RFX8: variants seen among roughly 807,000 people sequenced by gnomAD.
RFX8 encodes the protein regulatory factor X8, also known as DNA-binding protein RFX8.
Under a neutral mutation model 54.6 loss-of-function variants are expected in RFX8, and 46 were observed. That is an observed-to-expected ratio of 0.84 (90% CI 0.67 to 1.08). RFX8 has a LOEUF of 1.08. Ranked by LOEUF, RFX8 falls within the 50% of genes least tolerant of loss-of-function variation. RFX8 has a pLI of 0.00. For missense variants in RFX8, 536 were observed against 562.3 expected (o/e 0.95, Z 0.47); for synonymous variants, 192 against 209.5 (o/e 0.92, Z 0.72).
At position 101,402,670 on chromosome 2, in the gene RFX8, CTCCTCCTCT is replaced by C; in HGVS notation, c.1002_1010del (p.Glu336_Glu338del). The C allele has an allele frequency of 6.4e-7, 1 of 1,555,312 alleles. No homozygotes were observed. The highest frequency in any genetic ancestry group is 2.4e-5 in the East Asian group (1 of 41,376). On this transcript the variant is annotated inframe_deletion, in exon 11 of 12. Transcript: ENST00000428343. ...TTTCCTTGACAGTCCCCATGTCCTC[CTCCTCCTCT>C]TCCTCCTCTAGGCATGACTGAAGTA...
chr2:101,416,246 A>C (rs1686502743), intron 6 of RFX8, among the ~76,000 whole-genome samples: 1 of 152,218 alleles, frequency 6.6e-6, no homozygotes, highest in Non-Finnish European at 1.5e-5. Context: ...AGTAGCCTAC[A>C]GAATGAAGAG....
intron 2 of RFX8, among the ~76,000 whole-genome samples, chr2:101,438,033 G>A: frequency 1.6e-5 from 1 of 61,566 alleles, no homozygotes; most frequent in African/African-American, 4.2e-5. Context: ...TCAATAGTTT[G>A]TTCCTCTTTT....
intron 2 of RFX8, among the ~76,000 whole-genome samples, chr2:101,460,238 G>A (rs1021324343): frequency 4.6e-5 from 7 of 151,978 alleles, no homozygotes; most frequent in East Asian, 3.9e-4. Flanking sequence ...GCTTGCCCTC[G>A]GTGGGCTGCA....
At chr2:101,419,579 T>G (rs2104576144) in intron 4 of RFX8, among the ~76,000 whole-genome samples, 1 of 152,354 alleles carries the variant, frequency 6.6e-6, no homozygotes, top group East Asian at 1.9e-4. Context: ...ACCGATCTGC[T>G]TCGCCGCCAA....
chr2:101,451,004 C>T (rs1292320036), intron 2 of RFX8, among the ~76,000 whole-genome samples: 1 of 151,960 alleles, frequency 6.6e-6, no homozygotes, highest in Admixed American at 6.6e-5. Flanking sequence ...CACTGCCCCC[C>T]GACCCCCCAG....
Position 101,453,152 on chromosome 2 carries a change from C to T in RFX8, c.72+13625G>A, listed in dbSNP as rs1218167153. On this transcript the variant is annotated intron_variant, in intron 2 of 11. Transcript: ENST00000428343. ...CTTAGCCAGGCATGGTGGCACACACCTGTAGTCCCAGCTACTCTGGAGGCT... is the reference window on the plus strand; with the variant it reads ...CTTAGCCAGGCATGGTGGCACACACTTGTAGTCCCAGCTACTCTGGAGGCT... Among the ~76,000 whole-genome samples the T allele has an allele frequency of 1.4e-5, 2 of 145,676 alleles. 1 individual carries two copies. Among genetic ancestry groups the T allele is most frequent in the African/African-American group, 5.2e-5 (2 of 38,302 alleles).
intron 2 of RFX8, among the ~76,000 whole-genome samples, chr2:101,464,641 G>A (rs1252217754): frequency 6.6e-6 from 1 of 152,136 alleles, no homozygotes; most frequent in Non-Finnish European, 1.5e-5. Context: ...CCGTTTTTCA[G>A]GCAAATTTCC....
At chr2:101,463,545 G>T (rs1343629254) in intron 2 of RFX8, among the ~76,000 whole-genome samples, 1 of 152,180 alleles carries the variant, frequency 6.6e-6, no homozygotes, top group African/African-American at 2.4e-5. Context: ...GCCTTGCGAG[G>T]CCCCCTGGAC....
At chr2:101,429,103 G>A (rs1165043174) in intron 2 of RFX8, 1 of 841,822 alleles carries the variant, frequency 1.2e-6, no homozygotes, top group East Asian at 2.7e-5. Flanking sequence ...TTGCAGCAAG[G>A]TTATTTGTTT....
chr2:101,444,261 A>G (rs1383552750), intron 2 of RFX8, among the ~76,000 whole-genome samples: 1 of 152,220 alleles, frequency 6.6e-6, no homozygotes, highest in African/African-American at 2.4e-5. Context: ...TTAATCAGAA[A>G]TCTCAGCAGT....
At chr2:101,403,697 G>C (rs542178005) in intron 10 of RFX8, among the ~76,000 whole-genome samples, 2 of 152,300 alleles carry the variant, frequency 1.3e-5, no homozygotes, top group South Asian at 4.1e-4. Context: ...TGAGGCGGGA[G>C]AATCGCTTGA....
chr2:101,450,623 G>C, intron 2 of RFX8: 1 of 1,512,574 alleles, frequency 6.6e-7, no homozygotes. Context: ...CTATCAGGTA[G>C]CAATACTGGG....
chr2:101,461,757 G>C (rs1162513248), intron 2 of RFX8, among the ~76,000 whole-genome samples: 1 of 152,132 alleles, frequency 6.6e-6, no homozygotes, highest in Non-Finnish European at 1.5e-5. Context: ...TGAATATAGA[G>C]AGAACTGAAA....
At chr2:101,471,155 G>A (rs1376128724) in intron 1 of RFX8, among the ~76,000 whole-genome samples, 3 of 151,824 alleles carry the variant, frequency 2.0e-5, no homozygotes, top group Non-Finnish European at 2.9e-5. Context: ...CTAACATGGC[G>A]AAACCCCGTC....
Position 101,474,629 on chromosome 2 carries a change from A to G in RFX8, c.-53+7T>C, listed in dbSNP as rs1282706138. 1 of 211,950 alleles carries G rather than the reference A, an allele frequency of 4.7e-6. No individual in the cohort carries two copies. Among genetic ancestry groups the G allele is most frequent in the Admixed American group, 5.9e-5 (1 of 16,880 alleles). 13.1% of individuals were successfully genotyped at this position (211,950 alleles called of 1,614,324 possible). On this transcript the variant is annotated splice_region_variant and intron_variant, in intron 1 of 11. Transcript: ENST00000428343. ...AACAGGGACGCGAACAACAAGCACC[A>G]ACTTACACCTTTTCCAATCTGGTCG...
chr2:101,418,865 C>T lies in RFX8; in HGVS notation c.337G>A (p.Val113Ile). 1 of 1,548,540 alleles carries T rather than the reference C, an allele frequency of 6.5e-7. No homozygotes were observed. Among genetic ancestry groups the T allele is most frequent in the Non-Finnish European group, 8.7e-7 (1 of 1,144,048 alleles). The change falls in exon 5 of 12, where the codon GTC becomes ATC. Residue 113 changes from valine (V) to isoleucine (I), a missense_variant. Coordinates refer to ENST00000428343, the MANE Select transcript of RFX8 (RefSeq NM_001145664.2). ...DVCQLFKCYD[V>I]QLYKGIEDVL... Reference sequence around the variant, plus strand: ...CGTCCTCCTACCTTGTACAGCTGGACGTCGTAGCATTTAAAGAGCTGGCAC... The same window carrying T: ...CGTCCTCCTACCTTGTACAGCTGGATGTCGTAGCATTTAAAGAGCTGGCAC...
intron 11 of RFX8, among the ~76,000 whole-genome samples, chr2:101,401,606 C>T (rs938433497): frequency 4.6e-5 from 7 of 152,168 alleles, no homozygotes; most frequent in Non-Finnish European, 7.3e-5. Flanking sequence ...AGCCCTAAGA[C>T]AATCGCTGTC....
chr2:101,469,094 GTATATATATATAAGTGTA>G (rs1689809349), intron 1 of RFX8, among the ~76,000 whole-genome samples: 2 of 10,254 alleles, frequency 2.0e-4, no homozygotes, highest in African/African-American at 1.1e-3. Context: ...ATATATATAA[GTATATATATATAAGTGTA>G]TATATATATA....
intron 6 of RFX8, 32 bp from the exon 7 acceptor site, chr2:101,414,944 C>T (rs1333573732): frequency 2.7e-6 from 4 of 1,496,836 alleles, no homozygotes; most frequent in Non-Finnish European, 2.7e-6. Flanking sequence ...GCCATTAATA[C>T]AATAACTTCA....
Sources: allele counts gnomAD v4.1 joint callset (sites outside exome capture counted in the v4.1 genomes callset), GRCh38; gene constraint gnomAD v4.1.1; transcripts MANE v1.5; gene names NCBI Gene and HGNC (gene_info 2026-07-23, HGNC 2026-07-21).